MYO1E: variants seen among roughly 807,000 people sequenced by gnomAD.
MYO1E encodes myosin IE, also known as unconventional myosin-Ie.
In MYO1E, 68 loss-of-function variants were observed where a neutral mutation model predicts 151.1. The observed-to-expected ratio is 0.45, with a 90% CI of 0.37 to 0.55. The LOEUF is 0.55. Ranked by LOEUF, MYO1E falls within the 20% of genes least tolerant of loss-of-function variation. The pLI is 0.00. For synonymous variants in MYO1E, 601 were observed against 501.7 expected, an observed-to-expected ratio of 1.20 and a Z score of -2.64; for missense variants, 1,363 against 1,389.3, an observed-to-expected ratio of 0.98 and a Z score of 0.30.
At chr15:59,298,757 T>C (rs566616351) in intron 1 of MYO1E, among the ~76,000 whole-genome samples, 3 of 152,322 alleles carry the variant, frequency 2.0e-5, no homozygotes, top group African/African-American at 2.4e-5. Flanking sequence ...GTGAAAAGGA[T>C]GGAGTCCAAT....
intron 1 of MYO1E, among the ~76,000 whole-genome samples, chr15:59,348,434 C>A (rs1344768292): frequency 6.6e-6 from 1 of 152,182 alleles, no homozygotes; most frequent in African/African-American, 2.4e-5. Flanking sequence ...AAACATCCAT[C>A]AACAGTGGCT....
At chr15:59,253,581 A>C (rs759164761) in intron 4 of MYO1E, among the ~76,000 whole-genome samples, 3 of 148,998 alleles carry the variant, frequency 2.0e-5, no homozygotes, top group Non-Finnish European at 4.4e-5. Context: ...TCCTGGGTTC[A>C]AGCGATTTCC....
intron 1 of MYO1E, among the ~76,000 whole-genome samples, chr15:59,333,503 A>G (rs2080710429): frequency 6.6e-6 from 1 of 152,192 alleles, no homozygotes; most frequent in South Asian, 2.1e-4. Context: ...TCGGCCTCCC[A>G]AACTGCTAGG....
At chr15:59,152,090 G>A (rs566888736) in intron 26 of MYO1E, among the ~76,000 whole-genome samples, 2 of 151,882 alleles carry the variant, frequency 1.3e-5, no homozygotes, top group African/African-American at 2.4e-5. Context: ...TTAGCTGGGT[G>A]TGGTGGTGCG....
chr15:59,167,654 C>T (rs2079569874), intron 22 of MYO1E, among the ~76,000 whole-genome samples: 3 of 152,154 alleles, frequency 2.0e-5, no homozygotes, highest in Admixed American at 6.5e-5. Context: ...GAAATGCAAG[C>T]GTCAGTGTTT....
chr15:59,259,453 C>T (rs865787273), intron 3 of MYO1E, among the ~76,000 whole-genome samples: 4 of 152,238 alleles, frequency 2.6e-5, no homozygotes, highest in Middle Eastern at 3.4e-3. Flanking sequence ...TTTAAAAATT[C>T]CCCTCTTTAG....
intron 18 of MYO1E, among the ~76,000 whole-genome samples, chr15:59,183,482 G>A (rs1053852002): frequency 6.6e-6 from 1 of 152,074 alleles, no homozygotes; most frequent in African/African-American, 2.4e-5. Context: ...TTACAGGCAT[G>A]AGCCACTGCA....
intron 2 of MYO1E, among the ~76,000 whole-genome samples, chr15:59,267,904 G>A (rs981209334): frequency 4.6e-5 from 7 of 152,146 alleles, no homozygotes; most frequent in Non-Finnish European, 8.8e-5. Context: ...ATTGGTAAAC[G>A]ATGTCAGCAT....
intron 26 of MYO1E, among the ~76,000 whole-genome samples, chr15:59,142,935 A>T (rs2079419567): frequency 6.6e-6 from 1 of 151,882 alleles, no homozygotes; most frequent in Admixed American, 6.6e-5. Context: ...AAAAAAAAAA[A>T]AAAAAAAGGC....
At chr15:59,280,724 C>A (rs1474403522) in intron 1 of MYO1E, among the ~76,000 whole-genome samples, 3 of 151,686 alleles carry the variant, frequency 2.0e-5, no homozygotes, top group Non-Finnish European at 2.9e-5. Context: ...AATGATGCTC[C>A]TTTTATAACC....
intron 9 of MYO1E, 157 bp from the exon 10 acceptor site, chr15:59,218,244 T>A: frequency 1.2e-6 from 1 of 807,442 alleles, no homozygotes; most frequent in Non-Finnish European, 2.1e-6. Flanking sequence ...TGAAGGCTGC[T>A]TATCAGTAAT....
At chr15:59,272,472 T>G in intron 1 of MYO1E, 23 bp from the exon 2 acceptor site, 1 of 1,613,236 alleles carries the variant, frequency 6.2e-7, no homozygotes, top group Non-Finnish European at 8.5e-7. Flanking sequence ...AACATACAAT[T>G]ACTAGGATAG....
intron 4 of MYO1E, among the ~76,000 whole-genome samples, chr15:59,240,057 G>A (rs1346509770): frequency 6.6e-6 from 1 of 152,160 alleles, no homozygotes; most frequent in Non-Finnish European, 1.5e-5. Context: ...ACGCTTCCAG[G>A]CAGCCCGTCC....
At chr15:59,295,342 C>G (rs1001488833) in intron 1 of MYO1E, among the ~76,000 whole-genome samples, 1 of 152,066 alleles carries the variant, frequency 6.6e-6, no homozygotes, top group Non-Finnish European at 1.5e-5. Flanking sequence ...CTGAGCTTTT[C>G]ACCACGTGAA....
At chr15:59,239,619 T>C (rs111543310) in intron 4 of MYO1E, among the ~76,000 whole-genome samples, 2,344 of 152,222 alleles carry the variant, frequency 0.015, 16 homozygotes, top group Non-Finnish European at 0.024. Flanking sequence ...CAAAAGCAAG[T>C]AATAATAATG....
chr15:59,176,677 G>C (rs575206337), intron 19 of MYO1E, among the ~76,000 whole-genome samples: 4 of 152,038 alleles, frequency 2.6e-5, no homozygotes, highest in African/African-American at 9.7e-5. Flanking sequence ...GCCCAGTCTT[G>C]AACTCCTGGC....
chr15:59,227,447 A>T lies in MYO1E; in HGVS notation c.642+12T>A, dbSNP rs769320852. 2 of 1,614,102 alleles carry T rather than the reference A, an allele frequency of 1.2e-6. No homozygotes were observed. Among genetic ancestry groups the T allele is most frequent in the East Asian group, 4.5e-5 (2 of 44,872 alleles). ...GACAGGAAGTGGGTAGGAAAAAAGT[A>T]AACAGGAAAACCTGGTAAAATATGT... is the stretch of plus-strand genomic sequence containing the variant. On this transcript the variant is annotated intron_variant, in intron 7 of 27. Coordinates refer to ENST00000288235, the MANE Select transcript of MYO1E (RefSeq NM_004998.4).
At chr15:59,265,164 A>G (rs1032154581) in intron 2 of MYO1E, among the ~76,000 whole-genome samples, 5 of 152,214 alleles carry the variant, frequency 3.3e-5, no homozygotes, top group Non-Finnish European at 7.3e-5. Context: ...ATCCCCAGGG[A>G]AAAACAAACA....
At position 59,215,249 on chromosome 15, in the gene MYO1E, T is replaced by C. The variant is rs78530787; in HGVS notation, c.1108-529A>G. On this transcript the variant is annotated intron_variant, in intron 10 of 27. Transcript: ENST00000288235. The stretch of plus-strand genomic sequence containing the variant: ...ATAGTCATTATTTTTGAATTGATAA[T>C]AGAAGCAGCTTACGTCTATTAAACA... 6.9e-3 allele frequency among the ~76,000 whole-genome samples: 1,052 copies of C among 152,304 alleles called. 9 individuals carry two copies. The highest frequency in any genetic ancestry group is 0.024 in the African/African-American group (996 of 41,552).
Sources: gnomAD v4.1 joint callset for allele counts (sites outside exome capture counted in the v4.1 genomes callset) on GRCh38, gnomAD v4.1.1 for gene constraint, MANE v1.5 for transcripts, NCBI Gene and HGNC (gene_info 2026-07-23, HGNC 2026-07-21) for gene names.